SLC4A4: variants seen among roughly 807,000 people sequenced by gnomAD.
The protein encoded by SLC4A4 is electrogenic sodium bicarbonate cotransporter 1.
In SLC4A4, 27 loss-of-function variants were observed where a neutral mutation model predicts 111.5. The observed-to-expected ratio is 0.24, with a 90% CI of 0.18 to 0.33. The LOEUF is 0.33. SLC4A4 is among the 10% of genes least tolerant of loss of function. The pLI is 1.00. For missense variants in SLC4A4, 909 were observed against 1,315.5 expected (o/e 0.69, Z 4.78); for synonymous variants, 443 against 463.4 (o/e 0.96, Z 0.57).
chr4:71,536,182 A>G (rs1560597309), intron 18 of SLC4A4, among the ~76,000 whole-genome samples: 1 of 151,654 alleles, frequency 6.6e-6, no homozygotes, highest in Non-Finnish European at 1.5e-5. Flanking sequence ...AAATGGTTAT[A>G]TCTGCAACTG....
chr4:71,139,566 A>T (rs1237319975), intron 2 of SLC4A4, among the ~76,000 whole-genome samples: 1 of 151,928 alleles, frequency 6.6e-6, no homozygotes. Context: ...GTTCCTGGCG[A>T]TTTTCAGCAT....
chr4:71,263,152 G>C (rs1578704603), intron 3 of SLC4A4, among the ~76,000 whole-genome samples: 1 of 149,066 alleles, frequency 6.7e-6, no homozygotes, highest in Admixed American at 6.6e-5. Context: ...ATTACTTAAA[G>C]TAATGAGTAA....
intron 15 of SLC4A4, 53 bp downstream of exon 15, chr4:71,487,071 T>A: frequency 9.9e-7 from 1 of 1,009,800 alleles, no homozygotes; most frequent in Non-Finnish European, 1.6e-6. Flanking sequence ...TATTGTATAC[T>A]TGTTTATAAT....
chr4:71,223,300 C>T (rs1029170040), intron 1 of SLC4A4, among the ~76,000 whole-genome samples: 10 of 151,884 alleles, frequency 6.6e-5, no homozygotes, highest in Non-Finnish European at 1.2e-4. Flanking sequence ...CTCAGCCTCC[C>T]GGGTAGCTGG....
At chr4:71,454,925 A>G (rs1179346009) in intron 12 of SLC4A4, among the ~76,000 whole-genome samples, 2 of 152,016 alleles carry the variant, frequency 1.3e-5, no homozygotes, top group African/African-American at 4.8e-5. Flanking sequence ...CAGCTTCTTT[A>G]CTCATGTGTT....
Position 71,191,444 on chromosome 4 carries a change from T to A in SLC4A4, c.-2+4043T>A, listed in dbSNP as rs371982726. ...TCTGTATGCTTTTCTTAAACTTAAC[T>A]ACAAATTATTGGTGGAGGTAGGAAT... On this transcript the variant is annotated intron_variant, in intron 1 of 25. Transcript: ENST00000264485. 9.2e-5 allele frequency among the ~76,000 whole-genome samples: 14 copies of A among 152,364 alleles called. No individual in the cohort carries two copies. The East Asian group carries it at 1.9e-3, about 21-fold the overall frequency.
chr4:71,398,548 A>G (rs559387388), intron 7 of SLC4A4, among the ~76,000 whole-genome samples: 1 of 152,324 alleles, frequency 6.6e-6, no homozygotes, highest in East Asian at 1.9e-4. Context: ...AATATAGTAT[A>G]TGGAAAAATG....
intron 6 of SLC4A4, among the ~76,000 whole-genome samples, chr4:71,385,191 ATTTTT>A (rs1157788396): frequency 5.9e-4 from 7 of 11,902 alleles, no homozygotes; most frequent in African/African-American, 1.3e-3. Context: ...ATATATATAT[ATTTTT>A]TTTTTTTTTT....
intron 2 of SLC4A4, among the ~76,000 whole-genome samples, chr4:71,105,689 T>G (rs1468669433): frequency 1.5e-5 from 2 of 132,996 alleles, no homozygotes; most frequent in African/African-American, 6.0e-5. Context: ...CCCTATTTAA[T>G]AAATGGTGCT....
chr4:71,087,713 T>G (rs2148938378), intron 1 of SLC4A4, among the ~76,000 whole-genome samples: 1 of 151,782 alleles, frequency 6.6e-6, no homozygotes, highest in Non-Finnish European at 1.5e-5. Context: ...AGTTGAGCGG[T>G]TTTGAGCAAG....
chr4:71,527,771 A>C (rs1202689345), intron 16 of SLC4A4, among the ~76,000 whole-genome samples: 2 of 152,016 alleles, frequency 1.3e-5, no homozygotes, highest in Non-Finnish European at 2.9e-5. Flanking sequence ...AAAAAATCCA[A>C]GTGGAGGTGT....
At chr4:71,227,496 C>G (rs1209237366) in intron 1 of SLC4A4, among the ~76,000 whole-genome samples, 1 of 152,200 alleles carries the variant, frequency 6.6e-6, no homozygotes, top group Non-Finnish European at 1.5e-5. Flanking sequence ...ACACTCACAT[C>G]AAACCTGAGC....
chr4:71,370,810 A>G (rs988513034), intron 6 of SLC4A4, among the ~76,000 whole-genome samples: 97 of 152,188 alleles, frequency 6.4e-4, no homozygotes, highest in African/African-American at 2.2e-3. Flanking sequence ...TTTGTCGATA[A>G]AGTGTCAAGG....
In SLC4A4 at chr4:71,064,268, G is replaced by GTAACT. The variant is rs536476623; in HGVS notation, c.-65+1482_-65+1486dup. On this transcript the variant is annotated intron_variant, in intron 1 of 26. Coordinates refer to the SLC4A4 transcript ENST00000649996. Reference sequence around the variant, plus strand: ...AATTCTTCATCAGGGACAATTTTTAGTAACTTGCAGTTCTAGTGAAAAGAT... The same window carrying GTAACT: ...AATTCTTCATCAGGGACAATTTTTAGTAACTTAACTTGCAGTTCTAGTGAAAAGAT... Among the ~76,000 whole-genome samples, 232 of 152,250 alleles carry GTAACT rather than the reference G, an allele frequency of 1.5e-3. 1 individual carries two copies. The highest frequency in any genetic ancestry group is 4.7e-3 in the African/African-American group (197 of 41,556).
At chr4:71,082,417 G>A (rs2035575) in intron 1 of SLC4A4, among the ~76,000 whole-genome samples, 151,988 of 152,052 alleles carry the variant, frequency 1, 75,962 homozygotes, top group Non-Finnish European at 1. Flanking sequence ...TTACTTTGAC[G>A]TCTTCCCCCT....
intron 7 of SLC4A4, among the ~76,000 whole-genome samples, chr4:71,426,668 C>T (rs1577873058): frequency 6.6e-6 from 1 of 152,256 alleles, no homozygotes; most frequent in African/African-American, 2.4e-5. Flanking sequence ...TGATGGCTTC[C>T]TTCTACATCC....
intron 2 of SLC4A4, among the ~76,000 whole-genome samples, chr4:71,138,837 C>G (rs900921123): frequency 5.1e-4 from 78 of 151,894 alleles, no homozygotes; most frequent in Admixed American, 5.1e-3. Context: ...GAGATTGAGA[C>G]CATTCTGCCT....
intron 2 of SLC4A4, among the ~76,000 whole-genome samples, chr4:71,254,703 T>C (rs1484282117): frequency 6.6e-6 from 1 of 152,078 alleles, no homozygotes; most frequent in Non-Finnish European, 1.5e-5. Context: ...AAAATGACTT[T>C]TTGAACTTTG....
At chr4:71,288,285 TTTTC>T (rs1578759158) in intron 3 of SLC4A4, among the ~76,000 whole-genome samples, 1 of 152,170 alleles carries the variant, frequency 6.6e-6, no homozygotes, top group East Asian at 1.9e-4. Flanking sequence ...TTGTAAGTGA[TTTTC>T]TTTCAGAGAG....
Sources: allele counts gnomAD v4.1 joint callset (sites outside exome capture counted in the v4.1 genomes callset), GRCh38; gene constraint gnomAD v4.1.1; transcripts MANE v1.5; gene names NCBI Gene and HGNC (gene_info 2026-07-23, HGNC 2026-07-21).